TXNDC16: variants seen among roughly 807,000 people sequenced by gnomAD.
The protein encoded by TXNDC16 is thioredoxin domain containing 16, also known as thioredoxin domain-containing protein 16.
A neutral mutation model predicts 85.6 loss-of-function variants in TXNDC16; 74 were observed. That is an observed-to-expected ratio of 0.86 (90% confidence interval 0.72 to 1.05). The LOEUF (loss-of-function observed/expected upper bound fraction) is 1.05. Among genes scored for constraint, TXNDC16 ranks in the 50% least tolerant of loss-of-function variants. The pLI, the probability that TXNDC16 is intolerant of heterozygous loss-of-function variation, is 0.00. For missense variants in TXNDC16, 959 were observed against 947.0 expected (o/e 1.01, Z -0.17); for synonymous variants, 335 against 326.5 (o/e 1.03, Z -0.28).
intron 6 of TXNDC16, among the ~76,000 whole-genome samples, chr14:52,530,354 T>G (rs1170421083): frequency 2.3e-5 from 1 of 43,492 alleles, no homozygotes; most frequent in Admixed American, 4.4e-4. Flanking sequence ...TATATTATAA[T>G]ATAATATATA....
At chr14:52,509,916 G>A (rs1023968840) in intron 9 of TXNDC16, among the ~76,000 whole-genome samples, 3 of 151,812 alleles carry the variant, frequency 2.0e-5, no homozygotes, top group African/African-American at 4.8e-5. Context: ...AGGAGGAGGA[G>A]CTTGCAGTGA....
At chr14:52,486,836 C>T (rs969403760) in intron 12 of TXNDC16, among the ~76,000 whole-genome samples, 2 of 151,998 alleles carry the variant, frequency 1.3e-5, no homozygotes, top group African/African-American at 4.8e-5. Context: ...GTTTCCAACA[C>T]AAAGAAACGA....
chr14:52,545,726 TAAGG>T lies in TXNDC16; in HGVS notation c.-181-1359_-181-1356del, dbSNP rs556968658. The stretch of plus-strand genomic sequence containing the variant: ...GTGAGCAGTTGAAAGTAATTGGCTC[TAAGG>T]AAGAAGAAAGAGGGGAAAGGGAGTA... On this transcript the variant is annotated intron_variant, in intron 1 of 20. Coordinates refer to ENST00000281741, the MANE Select transcript of TXNDC16 (RefSeq NM_020784.3). Among the ~76,000 whole-genome samples the T allele has an allele frequency of 5.9e-5, 9 of 152,254 alleles. No homozygotes were observed. The South Asian group carries it at 1.9e-3, about 32-fold the overall frequency.
At chr14:52,447,315 C>T (rs753496887) in intron 18 of TXNDC16, among the ~76,000 whole-genome samples, 3 of 152,126 alleles carry the variant, frequency 2.0e-5, no homozygotes, top group Non-Finnish European at 4.4e-5. Context: ...TGGGGTGAGG[C>T]TCCTCTATCT....
At chr14:52,530,449 T>A (rs1367023179) in intron 6 of TXNDC16, among the ~76,000 whole-genome samples, 3 of 6,248 alleles carry the variant, frequency 4.8e-4, no homozygotes, top group East Asian at 0.02. Flanking sequence ...AATATATTAT[T>A]ATATAATAAT....
At chr14:52,538,211 T>C (rs956716028) in intron 4 of TXNDC16, among the ~76,000 whole-genome samples, 1 of 152,222 alleles carries the variant, frequency 6.6e-6, no homozygotes, top group African/African-American at 2.4e-5. Context: ...GGCTGACTGA[T>C]ACTTTTGCTC....
At chr14:52,463,147 C>T (rs2035690764) in intron 16 of TXNDC16, among the ~76,000 whole-genome samples, 1 of 151,806 alleles carries the variant, frequency 6.6e-6, no homozygotes, top group South Asian at 2.1e-4. Context: ...CTAATTTGAT[C>T]CTGGACCCAG....
chr14:52,506,124 C>T (rs1231734844), intron 9 of TXNDC16, among the ~76,000 whole-genome samples: 1 of 152,202 alleles, frequency 6.6e-6, no homozygotes, highest in African/African-American at 2.4e-5. Context: ...GATGGATTCA[C>T]AGCCGAATTC....
At chr14:52,540,076 C>T (rs1458589985) in intron 4 of TXNDC16, among the ~76,000 whole-genome samples, 1 of 152,036 alleles carries the variant, frequency 6.6e-6, no homozygotes, top group South Asian at 2.1e-4. Flanking sequence ...TAGGTGGTAA[C>T]CAGGTAGAAA....
chr14:52,519,651 T>A (rs966520529), intron 6 of TXNDC16, among the ~76,000 whole-genome samples: 1 of 152,246 alleles, frequency 6.6e-6, no homozygotes, highest in Non-Finnish European at 1.5e-5. Context: ...CTTCTTTGCA[T>A]GGCCTATAAG....
chr14:52,439,152 T>C (rs2296720), intron 20 of TXNDC16, 52 bp downstream of exon 20: 2 of 1,535,460 alleles, frequency 1.3e-6, no homozygotes, highest in East Asian at 4.5e-5. Context: ...GAGTTTAACA[T>C]TTATGGAACA....
chr14:52,466,013 A>G (rs7147213), intron 16 of TXNDC16, among the ~76,000 whole-genome samples: 20,724 of 152,202 alleles, frequency 0.14, 1,475 homozygotes, highest in Non-Finnish European at 0.15. Context: ...TTCACTGTAC[A>G]ATTCTTTGAA....
chr14:52,527,721 ATTGC>A (rs1166595959), intron 6 of TXNDC16, among the ~76,000 whole-genome samples: 1 of 152,130 alleles, frequency 6.6e-6, no homozygotes, highest in Non-Finnish European at 1.5e-5. Flanking sequence ...GGCTGCTGTT[ATTGC>A]CGTAAGGTCA....
intron 12 of TXNDC16, among the ~76,000 whole-genome samples, chr14:52,484,655 G>A (rs757976406): frequency 1.2e-4 from 18 of 152,098 alleles, no homozygotes; most frequent in African/African-American, 1.7e-4. Flanking sequence ...CGAGGTGGAC[G>A]GATCACTTGA....
At chr14:52,506,147 A>C (rs564248328) in intron 9 of TXNDC16, among the ~76,000 whole-genome samples, 1 of 152,356 alleles carries the variant, frequency 6.6e-6, no homozygotes, top group African/African-American at 2.4e-5. Context: ...CCAGAGGTAC[A>C]AGGAGGAGCT....
chr14:52,470,040 T>C lies in TXNDC16; in HGVS notation c.1615A>G (p.Thr539Ala), dbSNP rs770456879. ...TTAAAAGCTCAGCTCTGCTTACCTGTTTTCATGGTTGGACTAAATAGTCCC... is the reference window on the plus strand; with the variant it reads ...TTAAAAGCTCAGCTCTGCTTACCTGCTTTCATGGTTGGACTAAATAGTCCC... ...VLGLFSPTMK[T>A]AKEDFSEAGN... Residue 539 changes from threonine (T) to alanine (A), a missense_variant, in exon 16 of 21, where the codon ACA (threonine) becomes GCA (alanine). Transcript: ENST00000281741. The C allele has an allele frequency of 6.2e-7, 1 of 1,606,084 alleles. No homozygotes were observed. The highest frequency in any genetic ancestry group is 2.3e-5 in the East Asian group (1 of 44,442).
At chr14:52,476,787 C>T (rs1211211500) in intron 14 of TXNDC16, among the ~76,000 whole-genome samples, 1 of 152,090 alleles carries the variant, frequency 6.6e-6, no homozygotes, top group Non-Finnish European at 1.5e-5. Context: ...CCCAGTCTTG[C>T]TAGAGAACTA....
intron 16 of TXNDC16, among the ~76,000 whole-genome samples, chr14:52,461,420 T>A (rs1594697237): frequency 1.3e-5 from 2 of 152,266 alleles, no homozygotes; most frequent in East Asian, 3.9e-4. Context: ...TGTTTGATAA[T>A]TAATTTTAGT....
intron 18 of TXNDC16, among the ~76,000 whole-genome samples, chr14:52,444,010 G>A (rs1392978064): frequency 6.6e-6 from 1 of 152,152 alleles, no homozygotes; most frequent in South Asian, 2.1e-4. Context: ...AAGAGTTGAA[G>A]ATGTAATTCT....
Sources: allele counts gnomAD v4.1 joint callset (sites outside exome capture counted in the v4.1 genomes callset), GRCh38; gene constraint gnomAD v4.1.1; transcripts MANE v1.5; gene names NCBI Gene and HGNC (gene_info 2026-07-23, HGNC 2026-07-21).